The following RNGTT variants were observed in gnomAD, a reference collection of about 807,000 sequenced individuals.
The protein encoded by RNGTT is RNA guanylyltransferase and 5'-phosphatase, also known as mRNA-capping enzyme.
Under a neutral mutation model 79.3 loss-of-function variants are expected in RNGTT, and 33 were observed. The observed-to-expected ratio is 0.42, with a 90% CI of 0.32 to 0.56. The LOEUF is 0.56. Ranked by LOEUF, RNGTT falls within the 20% of genes least tolerant of loss-of-function variation. The pLI is 0.17. For synonymous variants in RNGTT, 222 were observed against 235.9 expected (o/e 0.94, Z 0.54); for missense variants, 497 against 739.1 (o/e 0.67, Z 3.80).
At chr6:88,843,023 C>T (rs535916365) in intron 11 of RNGTT, among the ~76,000 whole-genome samples, 241 of 151,898 alleles carry the variant, frequency 1.6e-3, no homozygotes, top group Admixed American at 2.7e-3. Flanking sequence ...TGTGGTGAGC[C>T]GAGATGGCAC....
intron 13 of RNGTT, among the ~76,000 whole-genome samples, chr6:88,749,166 G>T (rs1012204375): frequency 6.6e-6 from 1 of 152,114 alleles, no homozygotes; most frequent in African/African-American, 2.4e-5. Context: ...TACCAGCAGA[G>T]CCAAAAGAAA....
intron 4 of RNGTT, among the ~76,000 whole-genome samples, chr6:88,909,879 C>G (rs189896767): frequency 1.1e-3 from 164 of 152,144 alleles, no homozygotes; most frequent in Non-Finnish European, 1.6e-3. Flanking sequence ...TCATACAGAG[C>G]CTTGGCCCTC....
chr6:88,696,601 TACACACACACAC>T (rs67058652), intron 13 of RNGTT, among the ~76,000 whole-genome samples: 1 of 147,490 alleles, frequency 6.8e-6, no homozygotes, highest in African/African-American at 2.5e-5. Context: ...AATCCTGAAG[TACACACACACAC>T]ACACACACAC....
In RNGTT at chr6:88,783,837, T is replaced by A. The variant is rs9451083; in HGVS notation, c.1339-13963A>T. Among the ~76,000 whole-genome samples the A allele has an allele frequency of 9.7e-3, 1,480 of 152,268 alleles. 16 individuals are homozygous for A. The highest frequency in any genetic ancestry group is 0.033 in the African/African-American group (1,389 of 41,554). On this transcript the variant is annotated intron_variant, in intron 12 of 15. Coordinates refer to ENST00000369485, the MANE Select transcript of RNGTT (RefSeq NM_003800.5). ...TAATAAAAAATGTCCCCACATACTG[T>A]CAAATGTTATTTGGGAAGTAAAATC...
intron 6 of RNGTT, among the ~76,000 whole-genome samples, chr6:88,902,690 CTT>C (rs71024315): frequency 7.3e-5 from 6 of 82,698 alleles, no homozygotes; most frequent in African/African-American, 9.9e-5. Flanking sequence ...ATAGTGAAAT[CTT>C]TTTTTTTTTT....
chr6:88,695,890 C>T (rs1562200018), intron 13 of RNGTT, among the ~76,000 whole-genome samples: 2 of 152,098 alleles, frequency 1.3e-5, no homozygotes, highest in East Asian at 1.9e-4. Context: ...AGTGAAATAA[C>T]ACAGGCACAG....
chr6:88,645,122 A>G (rs1773492209), intron 14 of RNGTT, among the ~76,000 whole-genome samples: 1 of 152,204 alleles, frequency 6.6e-6, no homozygotes, highest in Non-Finnish European at 1.5e-5. Flanking sequence ...TTCAGCCCAA[A>G]ATCTCCTTAA....
At chr6:88,847,621 T>C (rs1027296839) in intron 10 of RNGTT, among the ~76,000 whole-genome samples, 1 of 152,064 alleles carries the variant, frequency 6.6e-6, no homozygotes, top group Non-Finnish European at 1.5e-5. Flanking sequence ...AATATGGTAA[T>C]AGGCACACAA....
At chr6:88,929,937 CAT>C (rs1412158283) in intron 2 of RNGTT, among the ~76,000 whole-genome samples, 210 of 149,062 alleles carry the variant, frequency 1.4e-3, no homozygotes, top group African/African-American at 5.0e-3. Flanking sequence ...CATATGTATA[CAT>C]ATGCATATAC....
At chr6:88,938,507 G>T (rs762574438) in intron 2 of RNGTT, among the ~76,000 whole-genome samples, 2 of 152,122 alleles carry the variant, frequency 1.3e-5, no homozygotes, top group African/African-American at 2.4e-5. Flanking sequence ...CTTTTAAATG[G>T]AAAGTGTAAT....
intron 4 of RNGTT, among the ~76,000 whole-genome samples, chr6:88,914,236 T>C (rs2127947283): frequency 6.6e-6 from 1 of 152,192 alleles, no homozygotes; most frequent in African/African-American, 2.4e-5. Context: ...TTCAACCCCA[T>C]TCCTGTCAAA....
At chr6:88,789,141 C>T (rs998065798) in intron 12 of RNGTT, among the ~76,000 whole-genome samples, 3 of 152,102 alleles carry the variant, frequency 2.0e-5, no homozygotes, top group African/African-American at 7.2e-5. Flanking sequence ...CTTTCTTGGC[C>T]GGGCACGGTG....
rs547261037 is a variant in RNGTT, at chr6:88,769,721, G to C, written c.1439+53C>G. The stretch of plus-strand genomic sequence containing the variant: ...TATGAAATACCCTGTAAAAGGTGAA[G>C]CCTTACACAAACAGTATTATTTCAT... On this transcript the variant is annotated intron_variant, in intron 13 of 15. Coordinates refer to ENST00000369485, the MANE Select transcript of RNGTT (RefSeq NM_003800.5). The C allele has an allele frequency of 7.7e-5, 81 of 1,055,742 alleles. No individual in the cohort carries two copies. The African/African-American group carries it at 1.1e-3, about 14-fold the overall frequency. 65.4% of individuals were successfully genotyped at this position (1,055,742 alleles called of 1,614,324 possible).
intron 14 of RNGTT, among the ~76,000 whole-genome samples, chr6:88,670,841 G>A (rs1774611271): frequency 6.6e-6 from 1 of 152,094 alleles, no homozygotes; most frequent in Non-Finnish European, 1.5e-5. Flanking sequence ...CTTTACTTTG[G>A]GGAGCTCGGA....
chr6:88,726,264 C>T (rs781524653), intron 13 of RNGTT, among the ~76,000 whole-genome samples: 3 of 152,010 alleles, frequency 2.0e-5, no homozygotes, highest in Non-Finnish European at 2.9e-5. Context: ...CAGTAACCCA[C>T]GGATGGCCTA....
intron 14 of RNGTT, among the ~76,000 whole-genome samples, chr6:88,637,990 A>G (rs1191295255): frequency 6.6e-6 from 1 of 152,122 alleles, no homozygotes; most frequent in Non-Finnish European, 1.5e-5. Context: ...TTCTAGTTCT[A>G]AAGTTTGTCC....
chr6:88,816,223 T>C (rs1411824513), intron 11 of RNGTT, among the ~76,000 whole-genome samples: 1 of 152,224 alleles, frequency 6.6e-6, no homozygotes, highest in East Asian at 1.9e-4. Flanking sequence ...TTCATTTTAT[T>C]GTCATTAGGC....
intron 12 of RNGTT, among the ~76,000 whole-genome samples, chr6:88,786,938 T>A (rs1779247160): frequency 6.6e-6 from 1 of 152,094 alleles, no homozygotes; most frequent in African/African-American, 2.4e-5. Flanking sequence ...CCAGGAAAGC[T>A]CCCTTGCCCC....
At position 88,696,292 on chromosome 6, in the gene RNGTT, T is replaced by TA. The variant is rs199980624; in HGVS notation, c.1440-17874dup. On this transcript the variant is annotated intron_variant, in intron 13 of 15. Coordinates refer to ENST00000369485, the MANE Select transcript of RNGTT (RefSeq NM_003800.5). ...GTAATGACAATTTGTCAATTTACAATAAAAAAATCTCTAAATTGATCCTTC... is the reference window on the plus strand; with the variant it reads ...GTAATGACAATTTGTCAATTTACAATAAAAAAAATCTCTAAATTGATCCTTC... Among the ~76,000 whole-genome samples, 907 of 152,278 alleles carry TA rather than the reference T, an allele frequency of 6.0e-3. 8 individuals carry two copies. Among genetic ancestry groups the TA allele is most frequent in the African/African-American group, 0.02 (830 of 41,564 alleles).
Sources: allele counts gnomAD v4.1 joint callset (sites outside exome capture counted in the v4.1 genomes callset), GRCh38; gene constraint gnomAD v4.1.1; transcripts MANE v1.5; gene names NCBI Gene and HGNC (gene_info 2026-07-23, HGNC 2026-07-21).